The following SNRNP70 variants were observed in gnomAD, a reference collection of about 807,000 sequenced individuals.
SNRNP70 encodes small nuclear ribonucleoprotein U1 subunit 70, also known as U1 small nuclear ribonucleoprotein 70 kDa.
In SNRNP70, 8 loss-of-function variants were observed where a neutral mutation model predicts 50.5. The ratio of observed to expected loss-of-function variants is 0.16; its 90% CI spans 0.09 to 0.29. The LOEUF is 0.29. SNRNP70 is among the 10% of genes least tolerant of loss of function. SNRNP70 has a pLI of 1.00. For synonymous variants in SNRNP70, 320 were observed against 252.9 expected (o/e 1.27, Z -2.52); for missense variants, 529 against 663.5 (o/e 0.80, Z 2.23).
Position 49,107,284 on chromosome 19 carries a change from A to G in SNRNP70, c.578-341A>G, listed in dbSNP as rs2040683596. Reference sequence around the variant, plus strand: ...TAAGCAGATCACATTTTTGGGTGGAAAGATCATTGGCTTCGGGTTTCTGTG... The same window carrying G: ...TAAGCAGATCACATTTTTGGGTGGAGAGATCATTGGCTTCGGGTTTCTGTG... On this transcript the variant is annotated intron_variant, in intron 8 of 9. Transcript: ENST00000598441. The surrounding 1 kb of genome is among the most constrained non-coding windows in gnomAD (Gnocchi z 6.0). Among the ~76,000 whole-genome samples the G allele has an allele frequency of 6.6e-6, 1 of 152,208 alleles. No homozygotes were observed. Among genetic ancestry groups the G allele is most frequent in the Admixed American group, 6.5e-5 (1 of 15,274 alleles).
intron 6 of SNRNP70, 30 bp downstream of exon 6, chr19:49,098,734 T>G (rs963566385): frequency 6.4e-7 from 1 of 1,565,682 alleles, no homozygotes; most frequent in African/African-American, 1.4e-5. Context: ...GTGTTTGAAT[T>G]GGGGGTGCAT....
At chr19:49,089,188 C>G (rs2040418307) in intron 2 of SNRNP70, among the ~76,000 whole-genome samples, 1 of 152,202 alleles carries the variant, frequency 6.6e-6, no homozygotes, top group African/African-American at 2.4e-5. Context: ...GATCTACAGT[C>G]AGGAGTTCAA....
intron 7 of SNRNP70, 36 bp downstream of exon 7, chr19:49,101,507 G>T: frequency 6.8e-7 from 1 of 1,469,732 alleles, no homozygotes; most frequent in Non-Finnish European, 9.5e-7. Context: ...CCTCTGACCT[G>T]CTCTCACTTC....
intron 4 of SNRNP70, among the ~76,000 whole-genome samples, chr19:49,096,640 G>A (rs1411314695): frequency 1.3e-5 from 2 of 151,362 alleles, no homozygotes; most frequent in African/African-American, 4.9e-5. Context: ...GGTGGTGTGT[G>A]TTTGTAATCC....
At chr19:49,091,004 CTG>C (rs1463562914) in intron 4 of SNRNP70, among the ~76,000 whole-genome samples, 6 of 152,146 alleles carry the variant, frequency 3.9e-5, no homozygotes, top group African/African-American at 1.4e-4. Flanking sequence ...AAAGTGAAAA[CTG>C]TACAGTCACA....
At position 49,085,639 on chromosome 19, in the gene SNRNP70, G is replaced by A. The variant is rs952757109; in HGVS notation, c.-11+3G>A. The A allele has an allele frequency of 6.6e-6, 3 of 455,540 alleles. No homozygotes were observed. Among genetic ancestry groups the A allele is most frequent in the Non-Finnish European group, 1.3e-5 (3 of 226,682 alleles). The allele number at this position is 455,540 out of a possible 1,614,324, so 28.2% of individuals were successfully genotyped here. On this transcript the variant is annotated splice_donor_region_variant and intron_variant, in intron 1 of 9. Transcript: ENST00000598441. ...CAGAGCGAGGAGGGCGCTACGCGGT[G>A]AGTGAGTGTGACTGAGTGGCCCGAC...
chr19:49,106,466 C>T (rs767081666), intron 8 of SNRNP70, among the ~76,000 whole-genome samples: 3 of 152,162 alleles, frequency 2.0e-5, no homozygotes, highest in Admixed American at 6.6e-5. Context: ...TGATGGGACT[C>T]ATTTCTGGGT....
chr19:49,098,349 C>A, intron 4 of SNRNP70, 78 bp from the exon 5 acceptor site: 1 of 1,194,772 alleles, frequency 8.4e-7, no homozygotes, highest in Non-Finnish European at 1.2e-6. Context: ...TTCTTCTTGG[C>A]CTCTGCCCAT....
At chr19:49,102,627 C>A (rs1425469019) in intron 7 of SNRNP70, 1 of 165,628 alleles carries the variant, frequency 6.0e-6, no homozygotes, top group African/African-American at 2.4e-5. Flanking sequence ...TGCTCTGCCC[C>A]CTTTCTGTCT....
rs11539822 is a variant in SNRNP70, at chr19:49,085,489, C to G, written c.-158C>G. 2.2e-6 allele frequency: 1 copy of G among 452,060 alleles called. No homozygotes were observed. Among genetic ancestry groups the G allele is most frequent in the Non-Finnish European group, 4.5e-6 (1 of 224,344 alleles). 28.0% of individuals were successfully genotyped at this position (452,060 alleles called of 1,614,324 possible). A position where few individuals can be genotyped will look rare whatever the true frequency, so the allele number is the denominator to read the frequency against. On this transcript the variant is annotated 5_prime_UTR_variant, in exon 1 of 10. Coordinates refer to ENST00000598441, the MANE Select transcript of SNRNP70 (RefSeq NM_003089.6). ...GGCCGCGCGGGTGGCTGAGCAGCGG[C>G]CTGGTGCGCTCGCTTAGCGGGCGAC...
chr19:49,108,301 A>T lies in SNRNP70; in HGVS notation c.1172A>T (p.Glu391Val). 6.3e-7 allele frequency: 1 copy of T among 1,580,490 alleles called. No individual in the cohort carries two copies. The highest frequency in any genetic ancestry group is 8.6e-7 in the Non-Finnish European group (1 of 1,164,508). Reference sequence around the variant, plus strand: ...CGGGGCAGTGAGCGGGGCAGGGATGAGGCCCGAGGTGGGGGCGGTGGCCAG... The same window carrying T: ...CGGGGCAGTGAGCGGGGCAGGGATGTGGCCCGAGGTGGGGGCGGTGGCCAG... ...GERGSERGRD[E>V]ARGGGGGQDN... is the part of the protein sequence containing the mutation. Residue 391 changes from glutamate (E) to valine (V), a missense_variant, in exon 10 of 10, where the codon GAG (glutamate) becomes GTG (valine). This residue lies in a region of SNRNP70 where 327 missense variants were observed against 308.8 expected (regional missense o/e 1.06). Transcript: ENST00000598441.
intron 8 of SNRNP70, among the ~76,000 whole-genome samples, chr19:49,106,557 A>G (rs911202987): frequency 5.9e-5 from 9 of 152,122 alleles, no homozygotes; most frequent in African/African-American, 2.2e-4. Flanking sequence ...GCCTGCTTCT[A>G]TAAGAATGTC....
chr19:49,087,371 T>C (rs963136189), intron 2 of SNRNP70, among the ~76,000 whole-genome samples: 1 of 152,136 alleles, frequency 6.6e-6, no homozygotes, highest in South Asian at 2.1e-4. Context: ...AGCACCCTTA[T>C]AATGTTGGTG....
chr19:49,101,766 T>G (rs955830501), intron 7 of SNRNP70: 14 of 367,942 alleles, frequency 3.8e-5, no homozygotes, highest in East Asian at 5.1e-5. Context: ...CAGCTGGAGG[T>G]GGGGGGAGGG....
In SNRNP70 at chr19:49,107,686, C is replaced by T. The variant is rs146142875; in HGVS notation, c.639C>T (p.Arg213=). The T allele has an allele frequency of 2.5e-6, 4 of 1,613,938 alleles. No individual in the cohort carries two copies. The highest frequency in any genetic ancestry group is 1.1e-5 in the South Asian group (1 of 91,080). ...GADVNIRHSG[R]DDTSRYDERP... is the part of the protein sequence containing the mutation. ...ATGTGAACATCCGGCATTCAGGCCG[C>T]GATGACACCTCCCGCTACGATGAGA... Residue 213 remains arginine, a synonymous_variant, in exon 9 of 10, where the codon CGC becomes CGT. Coordinates refer to ENST00000598441, the MANE Select transcript of SNRNP70 (RefSeq NM_003089.6). This position sits in a 1 kb window ranked among gnomAD's most constrained non-coding sequence, Gnocchi z 6.0.
At chr19:49,093,384 C>A (rs1275945021) in intron 4 of SNRNP70, among the ~76,000 whole-genome samples, 1 of 152,110 alleles carries the variant, frequency 6.6e-6, no homozygotes, top group Non-Finnish European at 1.5e-5. Flanking sequence ...CCACACCCGG[C>A]CAGAAATGCT....
In SNRNP70 at chr19:49,104,464, C is replaced by G; in HGVS notation, c.476-170C>G. ...ACGCTGAGATGGAGCAGGCCCTTCACCGGTTTGGGAGAGGGTTGGTCTGGC... is the reference window on the plus strand; with the variant it reads ...ACGCTGAGATGGAGCAGGCCCTTCAGCGGTTTGGGAGAGGGTTGGTCTGGC... On this transcript the variant is annotated intron_variant, in intron 7 of 9. Coordinates refer to ENST00000598441, the MANE Select transcript of SNRNP70 (RefSeq NM_003089.6). This position sits in a 1 kb window ranked among gnomAD's most constrained non-coding sequence, Gnocchi z 5.4. The G allele has an allele frequency of 1.6e-6, 1 of 614,068 alleles. No homozygotes were observed. The highest frequency in any genetic ancestry group is 3.0e-5 in the East Asian group (1 of 33,594). The allele number at this position is 614,068 out of a possible 1,614,324, so 38.0% of individuals were successfully genotyped here.
At position 49,105,869 on chromosome 19, in the gene SNRNP70, A is replaced by C. The variant is rs1351930294; in HGVS notation, c.577+1134A>C. Among the ~76,000 whole-genome samples, 4 of 152,216 alleles carry C rather than the reference A, an allele frequency of 2.6e-5. No homozygotes were observed. The East Asian group carries it at 7.7e-4, about 29-fold the overall frequency. On this transcript the variant is annotated intron_variant, in intron 8 of 9. Transcript: ENST00000598441. Reference sequence around the variant, plus strand: ...TTGCACTGGCCCAGCGCAGCAGGCCACAGGCCCCAGCTTTACACTCAGTCC... The same window carrying C: ...TTGCACTGGCCCAGCGCAGCAGGCCCCAGGCCCCAGCTTTACACTCAGTCC...
chr19:49,100,000 C>A (rs181455322), intron 6 of SNRNP70, among the ~76,000 whole-genome samples: 19 of 152,316 alleles, frequency 1.2e-4, no homozygotes, highest in African/African-American at 3.6e-4. Flanking sequence ...CCAGTGACAA[C>A]CTTGGCCCCA....
Sources: gnomAD v4.1 joint callset for allele counts (sites outside exome capture counted in the v4.1 genomes callset) on GRCh38, gnomAD v4.1.1 for gene constraint, gnomAD v4.1.1 regional missense constraint, Gnocchi (gnomAD v3.1) non-coding constraint, MANE v1.5 for transcripts, NCBI Gene and HGNC (gene_info 2026-07-23, HGNC 2026-07-21) for gene names.